The following ZNF177 variants were observed in gnomAD, a reference collection of about 807,000 sequenced individuals.
ZNF177 encodes zinc finger protein 177.
ZNF177 carries 17 observed loss-of-function variants against 19.4 expected under a neutral mutation model. The observed-to-expected ratio is 0.87, with a 90% CI of 0.60 to 1.31. The LOEUF (loss-of-function observed/expected upper bound fraction) is 1.31, where lower values mean the gene tolerates loss of function less well. ZNF177 is among the 40% of genes most tolerant of loss of function. The pLI, the probability that ZNF177 is intolerant of heterozygous loss-of-function variation, is 0.00. For synonymous variants in ZNF177, 220 were observed against 188.7 expected, an observed-to-expected ratio of 1.17 and a Z score of -1.36; for missense variants, 633 against 561.8, an observed-to-expected ratio of 1.13 and a Z score of -1.28.
At chr19:9,379,050 A>G (rs1418496413) in exon 3 of ZNF177, 3 of 1,610,194 alleles carry the variant, frequency 1.9e-6, no homozygotes, top group Non-Finnish European at 1.7e-6. Flanking sequence ...CTATACAAAG[A>G]TGTGATGCTG....
chr19:9,376,279 CCA>C (rs2068108498), upstream of ZNF177: 1 of 152,222 alleles, frequency 6.6e-6, no homozygotes, highest in Non-Finnish European at 1.5e-5. Context: ...GCAGATGCCA[CCA>C]CACCCAAATA....
chr19:9,364,146 C>T (rs1383228695), intron 1 of ZNF177, among the ~76,000 whole-genome samples: 1 of 152,318 alleles, frequency 6.6e-6, no homozygotes, highest in South Asian at 2.1e-4. Flanking sequence ...GTTACTCCCC[C>T]ATGGTTGGCA....
intron 2 of ZNF177, chr19:9,378,615 T>C: frequency 5.1e-6 from 3 of 586,756 alleles, no homozygotes; most frequent in Non-Finnish European, 2.9e-6. Context: ...GAAAATTATT[T>C]ATCATTTCTC....
chr19:9,364,849 C>T lies in ZNF177; in HGVS notation c.-391-13C>T, dbSNP rs1281723291. 1 of 152,132 alleles carries T rather than the reference C, an allele frequency of 6.6e-6. No homozygotes were observed. The highest frequency in any genetic ancestry group is 1.9e-4 in the East Asian group (1 of 5,186). 9.4% of individuals were successfully genotyped at this position (152,132 alleles called of 1,614,324 possible). On this transcript the variant is annotated splice_polypyrimidine_tract_variant and intron_variant, in intron 1 of 8. Transcript: ENST00000343499. ...TCGAGTATCTACAAGCAACCTTTCA[C>T]TGTTATTTTCAGGGCTGGGTATAAG...
rs2068162948 is a variant in ZNF177 at position 9,379,704 on chromosome 19, C to CT, written c.253+86dup. ...TGTCACTCAGTGAAGGAAAAGAAAT[C>CT]TGAGGCCATGACATGAGCTTCCTTC... On this transcript the variant is annotated intron_variant, in intron 4 of 5. Coordinates refer to ENST00000589262, the Ensembl canonical transcript of ZNF177. The CT allele has an allele frequency of 1.5e-5, 22 of 1,467,614 alleles. No homozygotes were observed. In the South Asian group the frequency reaches 2.6e-4, roughly 17 times the overall value. The allele number at this position is 1,467,614 out of a possible 1,614,324, so 90.9% of individuals were successfully genotyped here.
chr19:9,370,659 G>T (rs1165502720), intron 2 of ZNF177, among the ~76,000 whole-genome samples: 1 of 152,072 alleles, frequency 6.6e-6, no homozygotes, highest in Non-Finnish European at 1.5e-5. Flanking sequence ...TGGCTTCAAG[G>T]CATCCTCCTG....
rs112029140 is a variant in ZNF177 at position 9,378,749 on chromosome 19, C to T, written c.34-213C>T. Reference sequence around the variant, plus strand: ...CATATTTTAGAAAAGCTGTTTTGACCATGACCCTGAATGAGATGGCCCAGG... The same window carrying T: ...CATATTTTAGAAAAGCTGTTTTGACTATGACCCTGAATGAGATGGCCCAGG... On this transcript the variant is annotated intron_variant, in intron 2 of 5. Transcript: ENST00000589262. 2.3e-3 allele frequency: 1,675 copies of T among 736,258 alleles called. 21 individuals carry two copies. The African/African-American group carries it at 0.028, about 12-fold the overall frequency. 45.6% of individuals were successfully genotyped at this position (736,258 alleles called of 1,614,324 possible).
exon 6 of ZNF177, chr19:9,381,743 A>G (rs1241846157): frequency 6.2e-7 from 1 of 1,607,308 alleles, no homozygotes; most frequent in Non-Finnish European, 8.5e-7. Context: ...ATAATGCACA[A>G]GCGAATCCAC....
exon 3 of ZNF177, chr19:9,379,052 G>T (rs758665344): frequency 6.2e-7 from 1 of 1,610,026 alleles, no homozygotes; most frequent in Admixed American, 1.7e-5. Context: ...ATACAAAGAT[G>T]TGATGCTGGA....
At chr19:9,374,317 T>TA (rs371231207), upstream of ZNF177, among the ~76,000 whole-genome samples, 73 of 152,320 alleles carry the variant, frequency 4.8e-4, 2 homozygotes, top group African/African-American at 1.7e-3. Context: ...ATATTTGAAA[T>TA]AAGGAAGTGT....
At chr19:9,369,811 C>T (rs2068025308) in intron 2 of ZNF177, among the ~76,000 whole-genome samples, 1 of 152,056 alleles carries the variant, frequency 6.6e-6, no homozygotes. Context: ...TACTTACAGT[C>T]TAAACCTAAT....
chr19:9,379,051 T>C (rs2068151679), exon 3 of ZNF177: 3 of 1,609,846 alleles, frequency 1.9e-6, no homozygotes, highest in Non-Finnish European at 2.5e-6. Flanking sequence ...TATACAAAGA[T>C]GTGATGCTGG....
chr19:9,363,957 T>G (rs10500207), intron 1 of ZNF177, among the ~76,000 whole-genome samples: 6,304 of 152,282 alleles, frequency 0.041, 259 homozygotes, highest in African/African-American at 0.11. Context: ...GCTATGTGTT[T>G]TTGATAGATT....
chr19:9,376,082 GTCTT>G (rs1381408046), upstream of ZNF177, among the ~76,000 whole-genome samples: 1 of 152,062 alleles, frequency 6.6e-6, no homozygotes, highest in Non-Finnish European at 1.5e-5. Flanking sequence ...TATACCTTAG[GTCTT>G]TCTTTTTTAA....
chr19:9,369,758 A>G (rs957402387), intron 2 of ZNF177, among the ~76,000 whole-genome samples: 7 of 151,950 alleles, frequency 4.6e-5, no homozygotes, highest in Admixed American at 2.6e-4. Flanking sequence ...TAAACTCACT[A>G]TGTCCATCCT....
At chr19:9,375,761 A>T (rs901367202), upstream of ZNF177, among the ~76,000 whole-genome samples, 13 of 152,076 alleles carry the variant, frequency 8.5e-5, no homozygotes, top group African/African-American at 3.1e-4. Context: ...TTATCTTTTC[A>T]TACAACCAAC....
rs569421607 is a variant in ZNF177, at chr19:9,363,450, C to T, written c.-392+366C>T. 6.6e-5 allele frequency among the ~76,000 whole-genome samples: 10 copies of T among 152,334 alleles called. No homozygotes were observed. In the East Asian group the frequency reaches 1.5e-3, roughly 24 times the overall value. On this transcript the variant is annotated intron_variant, in intron 1 of 8. Coordinates refer to the ZNF177 transcript ENST00000343499. ...TTGTTAGAAGGCATATCTTGGGATG[C>T]GCGTTATTGGTTTGTGGAGATCGTC...
At chr19:9,369,823 A>C (rs1271284559) in intron 2 of ZNF177, among the ~76,000 whole-genome samples, 1 of 152,068 alleles carries the variant, frequency 6.6e-6, no homozygotes, top group East Asian at 1.9e-4. Flanking sequence ...AAACCTAATC[A>C]ATATTGTGAG....
Position 9,380,253 on chromosome 19 carries a change from C to G in ZNF177, c.336+114C>G, listed in dbSNP as rs979254022. ...AAGAATTCAGGCACCAGGCTTTCAC[C>G]AGAAAGCTGTCTCGGGAGAGTTTGG... On this transcript the variant is annotated intron_variant, in intron 5 of 5. Transcript: ENST00000589262. 27 of 1,258,642 alleles carry G rather than the reference C, an allele frequency of 2.1e-5. No homozygotes were observed. The African/African-American group carries it at 3.6e-4, about 17-fold the overall frequency. 78.0% of individuals were successfully genotyped at this position (1,258,642 alleles called of 1,614,324 possible).
Sources: allele counts gnomAD v4.1 joint callset (sites outside exome capture counted in the v4.1 genomes callset), GRCh38; gene constraint gnomAD v4.1.1; transcripts MANE v1.5; gene names NCBI Gene and HGNC (gene_info 2026-07-23, HGNC 2026-07-21).